ANKS1B: variants seen among roughly 807,000 people sequenced by gnomAD.
ANKS1B encodes ankyrin repeat and sterile alpha motif domain containing 1B.
A neutral mutation model predicts 148.3 loss-of-function variants in ANKS1B; 36 were observed. The observed-to-expected ratio is 0.24, with a 90% CI of 0.19 to 0.32. ANKS1B has a LOEUF of 0.32. ANKS1B is among the 10% of genes least tolerant of loss of function. The pLI is 1.00. For missense variants in ANKS1B, 1,157 were observed against 1,542.6 expected, an observed-to-expected ratio of 0.75 and a Z score of 4.19; for synonymous variants, 542 against 560.8, an observed-to-expected ratio of 0.97 and a Z score of 0.47.
chr12:99,606,271 T>C (rs1367000914), intron 9 of ANKS1B, among the ~76,000 whole-genome samples: 4 of 152,014 alleles, frequency 2.6e-5, no homozygotes, highest in African/African-American at 4.8e-5. Context: ...CAAATGTTTT[T>C]TGGTATAACA....
At chr12:99,558,056 T>A (rs2097295650) in intron 9 of ANKS1B, among the ~76,000 whole-genome samples, 1 of 152,194 alleles carries the variant, frequency 6.6e-6, no homozygotes. Flanking sequence ...ATTCTTAGAC[T>A]GCTAGCCACA....
chr12:99,715,899 C>T (rs181034313), intron 8 of ANKS1B, among the ~76,000 whole-genome samples: 48 of 152,262 alleles, frequency 3.2e-4, no homozygotes, highest in South Asian at 2.1e-3. Flanking sequence ...ACATTTTATC[C>T]GTGGACCCAA....
chr12:99,369,190 T>G (rs2092947163), intron 12 of ANKS1B, among the ~76,000 whole-genome samples: 1 of 152,180 alleles, frequency 6.6e-6, no homozygotes, highest in African/African-American at 2.4e-5. Context: ...CTTCCTAATG[T>G]GATGCAATAT....
rs148021386 is a variant in ANKS1B, at chr12:99,229,757, A to G, written c.2419+14585T>C. Among the ~76,000 whole-genome samples, 5 of 152,072 alleles carry G rather than the reference A, an allele frequency of 3.3e-5. No individual in the cohort carries two copies. The East Asian group carries it at 7.7e-4, about 23-fold the overall frequency. Reference sequence around the variant, plus strand: ...TTTTACTTCTTCTTCTGTTGCCGGTATGAGGTCACTAATGGTAGATTTTAG... The same window carrying G: ...TTTTACTTCTTCTTCTGTTGCCGGTGTGAGGTCACTAATGGTAGATTTTAG... On this transcript the variant is annotated intron_variant, in intron 14 of 26. Transcript: ENST00000683438.
chr12:99,656,115 G>T (rs2098448631), intron 8 of ANKS1B, among the ~76,000 whole-genome samples: 1 of 152,016 alleles, frequency 6.6e-6, no homozygotes, highest in Non-Finnish European at 1.5e-5. Flanking sequence ...TGAAGCAAAA[G>T]GATTATGAAT....
At chr12:99,532,456 G>A (rs1841800632) in intron 9 of ANKS1B, among the ~76,000 whole-genome samples, 1 of 152,162 alleles carries the variant, frequency 6.6e-6, no homozygotes, top group Admixed American at 6.5e-5. Context: ...CGCCTCCCAG[G>A]TTCACGCCAT....
chr12:99,332,944 G>A (rs2087885080), intron 12 of ANKS1B, among the ~76,000 whole-genome samples: 1 of 151,964 alleles, frequency 6.6e-6, no homozygotes, highest in Non-Finnish European at 1.5e-5. Context: ...GCCAGATTTA[G>A]GGGGCTGTAT....
chr12:99,482,818 G>T (rs1287955658), intron 10 of ANKS1B, among the ~76,000 whole-genome samples: 1 of 151,956 alleles, frequency 6.6e-6, no homozygotes. Flanking sequence ...TGTGATCATT[G>T]TTGGTGTATA....
chr12:99,537,479 T>C (rs2097082484), intron 9 of ANKS1B, among the ~76,000 whole-genome samples: 1 of 152,184 alleles, frequency 6.6e-6, no homozygotes, highest in Non-Finnish European at 1.5e-5. Flanking sequence ...TGATAGCTCA[T>C]TGCAGTTTTC....
At chr12:99,169,189 C>T (rs1314990769) in intron 14 of ANKS1B, among the ~76,000 whole-genome samples, 1 of 152,062 alleles carries the variant, frequency 6.6e-6, no homozygotes, top group Non-Finnish European at 1.5e-5. Flanking sequence ...ATGAGTTTAT[C>T]ATTTAGAGAA....
intron 17 of ANKS1B, among the ~76,000 whole-genome samples, chr12:98,858,123 C>T (rs1004517917): frequency 9.9e-5 from 15 of 152,180 alleles, no homozygotes; most frequent in African/African-American, 3.4e-4. Context: ...CTCCTCCGCC[C>T]CCATCCCCAG....
intron 8 of ANKS1B, among the ~76,000 whole-genome samples, chr12:99,656,638 G>A (rs1300943419): frequency 6.6e-6 from 1 of 151,936 alleles, no homozygotes; most frequent in Non-Finnish European, 1.5e-5. Flanking sequence ...AACAAAAGGA[G>A]CTCCAAAAAT....
intron 9 of ANKS1B, among the ~76,000 whole-genome samples, chr12:99,536,778 T>A (rs1266680295): frequency 6.6e-6 from 1 of 152,074 alleles, no homozygotes; most frequent in African/African-American, 2.4e-5. Context: ...CCAATCACAC[T>A]CTTTATTTTT....
intron 15 of ANKS1B, among the ~76,000 whole-genome samples, chr12:99,126,119 T>C (rs748850301): frequency 3.3e-5 from 5 of 152,218 alleles, no homozygotes; most frequent in Non-Finnish European, 1.5e-5. Context: ...GAACATGTGG[T>C]TGTCATTCAC....
intron 1 of ANKS1B, among the ~76,000 whole-genome samples, chr12:99,899,952 G>A (rs978832745): frequency 6.6e-6 from 1 of 151,552 alleles, no homozygotes; most frequent in Non-Finnish European, 1.5e-5. Context: ...AGGCTGGAGT[G>A]CAGTGGCACG....
chr12:98,790,257 G>A (rs1425468346), intron 22 of ANKS1B, among the ~76,000 whole-genome samples: 1 of 152,166 alleles, frequency 6.6e-6, no homozygotes, highest in Non-Finnish European at 1.5e-5. Context: ...TGAGAAGAAA[G>A]GGGTAGTTGT....
At chr12:98,998,778 A>T (rs1269669522) in intron 17 of ANKS1B, among the ~76,000 whole-genome samples, 1 of 152,248 alleles carries the variant, frequency 6.6e-6, no homozygotes, top group Admixed American at 6.5e-5. Context: ...ATGAATGTTA[A>T]ATAACAAAAA....
At chr12:98,783,202 T>A (rs1226866572) in intron 22 of ANKS1B, among the ~76,000 whole-genome samples, 3 of 152,208 alleles carry the variant, frequency 2.0e-5, no homozygotes, top group Admixed American at 6.5e-5. Context: ...AGCAATCGAG[T>A]TGTTACTTTA....
chr12:99,138,033 TTTATTA>T (rs370729708), intron 15 of ANKS1B, among the ~76,000 whole-genome samples: 1 of 151,928 alleles, frequency 6.6e-6, no homozygotes, highest in Admixed American at 6.6e-5. Flanking sequence ...AGCAAATGTG[TTTATTA>T]TTATTATTAT....
Sources: gnomAD v4.1 joint callset for allele counts (sites outside exome capture counted in the v4.1 genomes callset) on GRCh38, gnomAD v4.1.1 for gene constraint, MANE v1.5 for transcripts, NCBI Gene and HGNC (gene_info 2026-07-23, HGNC 2026-07-21) for gene names.